ABCC12: variants seen among roughly 807,000 people sequenced by gnomAD.
ABCC12 encodes ATP binding cassette subfamily C member 12, also known as ATP-binding cassette sub-family C member 12.
ABCC12 carries 142 observed loss-of-function variants against 151.1 expected under a neutral mutation model. The observed-to-expected ratio is 0.94, with a 90% confidence interval of 0.82 to 1.08. The LOEUF (loss-of-function observed/expected upper bound fraction) is 1.08. Ranked by LOEUF, ABCC12 falls within the 50% of genes least tolerant of loss-of-function variation. The probability of loss-of-function intolerance (pLI) is 0.00; values close to 1 mark genes in which losing one functional copy is unlikely to be tolerated. For missense variants in ABCC12, 1,638 were observed against 1,691.1 expected, an observed-to-expected ratio of 0.97 and a Z score of 0.55; for synonymous variants, 645 against 646.4, an observed-to-expected ratio of 1.00 and a Z score of 0.03.
chr16:48,104,560 G>A (rs117610992), intron 21 of ABCC12, among the ~76,000 whole-genome samples, 192 bp from the exon 22 acceptor site: 3,092 of 152,292 alleles, frequency 0.02, 65 homozygotes, highest in Non-Finnish European at 0.026. Context: ...GTGAATGTGG[G>A]GATTCAGTCT....
chr16:48,090,389 G>T (rs1398764424), intron 25 of ABCC12, among the ~76,000 whole-genome samples: 2 of 150,720 alleles, frequency 1.3e-5, no homozygotes, highest in African/African-American at 4.9e-5. Flanking sequence ...CACCACACGT[G>T]GCAAATTTGA....
At chr16:48,117,181 C>T in intron 14 of ABCC12, 80 bp downstream of exon 14, 1 of 1,372,712 alleles carries the variant, frequency 7.3e-7, no homozygotes, top group Non-Finnish European at 1.0e-6. Context: ...GGAACAGGGG[C>T]TTGCTGGCCT....
intron 30 of ABCC12, 25 bp downstream of exon 30, chr16:48,083,884 G>C: frequency 6.2e-7 from 1 of 1,612,564 alleles, no homozygotes; most frequent in African/African-American, 1.3e-5. Context: ...TTCTGGGGAG[G>C]TGAAGCCAAA....
At chr16:48,129,669 G>A (rs1227156836) in intron 10 of ABCC12, among the ~76,000 whole-genome samples, 1 of 152,126 alleles carries the variant, frequency 6.6e-6, no homozygotes, top group African/African-American at 2.4e-5. Context: ...TTGGGGTTGA[G>A]TGCTATACGG....
rs1178543972 is a variant in ABCC12 at position 48,111,637 on chromosome 16, G to A, written c.2150C>T (p.Ala717Val). The A allele has an allele frequency of 2.5e-6, 4 of 1,614,078 alleles. No homozygotes were observed. Among genetic ancestry groups the A allele is most frequent in the Non-Finnish European group, 3.4e-6 (4 of 1,180,014 alleles). ...GCTCTCCTTGAAGGCTTCCACCATT[G>A]CTGCATTGTAAAGGTGTTCAGGATC... ...FKDPEHLYNA[A>V]MVEAFKESPA... is the part of the protein sequence containing the mutation. Residue 717 changes from alanine (A) to valine (V), a missense_variant, in exon 17 of 31, where the codon GCA (alanine) becomes GTA (valine). Transcript: ENST00000311303.
intron 2 of ABCC12, 108 bp from the exon 3 acceptor site, chr16:48,146,582 T>C: frequency 1.6e-6 from 1 of 619,858 alleles, no homozygotes; most frequent in South Asian, 2.0e-5. Flanking sequence ...CCCTGAGAAC[T>C]GTTTTCACCA....
intron 24 of ABCC12, among the ~76,000 whole-genome samples, chr16:48,094,502 C>A (rs1165106828): frequency 6.6e-6 from 1 of 152,126 alleles, no homozygotes; most frequent in Non-Finnish European, 1.5e-5. Flanking sequence ...AGGGGGCCCA[C>A]AAAGAGGCTG....
intron 1 of ABCC12, among the ~76,000 whole-genome samples, chr16:48,154,586 T>G (rs2150688752): frequency 6.6e-6 from 1 of 152,328 alleles, no homozygotes; most frequent in South Asian, 2.1e-4. Flanking sequence ...ACTGCTGTCT[T>G]CCTTATAGTG....
intron 10 of ABCC12, among the ~76,000 whole-genome samples, chr16:48,129,346 T>C (rs1200055809): frequency 6.6e-6 from 1 of 152,194 alleles, no homozygotes; most frequent in Non-Finnish European, 1.5e-5. Context: ...TCGAGGTCCA[T>C]GCACTTGGTG....
chr16:48,130,749 T>G, intron 10 of ABCC12, 39 bp downstream of exon 10: 643 of 1,489,060 alleles, frequency 4.3e-4, no homozygotes, highest in Non-Finnish European at 5.5e-4. Flanking sequence ...CACCCCAAAA[T>G]GAGATCTCTC....
chr16:48,129,921 G>A (rs1269526348), intron 10 of ABCC12, among the ~76,000 whole-genome samples: 2 of 152,320 alleles, frequency 1.3e-5, no homozygotes, highest in African/African-American at 2.4e-5. Flanking sequence ...TAACTCAACA[G>A]TGTACCTTCC....
rs1254093780 is a variant in ABCC12 at position 48,138,150 on chromosome 16, C to T, written c.979+78G>A. ...TCAGCCTCCTTCTGGAATGCCTGGC[C>T]CTGGGAACCGTAAGAACCCCTTAGA... On this transcript the variant is annotated intron_variant, in intron 8 of 30. Transcript: ENST00000311303. The T allele has an allele frequency of 3.4e-6, 5 of 1,453,036 alleles. No individual in the cohort carries two copies. In the African/African-American group the frequency reaches 7.0e-5, roughly 20 times the overall value. The allele number at this position is 1,453,036 out of a possible 1,614,324, so 90.0% of individuals were successfully genotyped here.
At position 48,104,334 on chromosome 16, in the gene ABCC12, G is replaced by A; in HGVS notation, c.2708C>T (p.Thr903Ile). 1.2e-6 allele frequency: 2 copies of A among 1,612,588 alleles called. No individual in the cohort carries two copies. The highest frequency in any genetic ancestry group is 1.7e-6 in the Non-Finnish European group (2 of 1,179,994). The change falls in exon 22 of 31, where the codon ACT becomes ATT. Residue 903 changes from threonine to isoleucine, a missense_variant. Physicochemically the swap from Thr to Ile is moderately conservative, Grantham distance 89. Transcript: ENST00000311303. ...LKSPMSFFDT[T>I]PTGRLMNRFS... is the part of the protein sequence containing the mutation. ...ACGGTTCATTAGCCTGCCAGTGGGA[G>A]TCGTGTCAAAGAAACTCATTGGGCT...
rs1005459399 is a variant in ABCC12 at position 48,152,653 on chromosome 16, C to G, written c.-51+963G>C. 2.6e-5 allele frequency among the ~76,000 whole-genome samples: 4 copies of G among 152,318 alleles called. No individual in the cohort carries two copies. In the East Asian group the frequency reaches 5.8e-4, roughly 22 times the overall value. On this transcript the variant is annotated intron_variant, in intron 2 of 30. Coordinates refer to ENST00000311303, the MANE Select transcript of ABCC12 (RefSeq NM_001393797.1). ...AAACCAGCCTCTCAGGGAGAATTTC[C>G]CTCTGGCCCACCAGATCGGGCCTCA...
In ABCC12 at chr16:48,088,614, C is replaced by T; in HGVS notation, c.3406G>A (p.Val1136Ile). 7 of 1,614,188 alleles carry T rather than the reference C, an allele frequency of 4.3e-6. No homozygotes were observed. The highest frequency in any genetic ancestry group is 5.1e-6 in the Non-Finnish European group (6 of 1,180,032). Residue 1136 changes from valine to isoleucine, a missense_variant, in exon 26 of 31, where the codon GTT (valine) becomes ATT (isoleucine). Val to Ile is a conservative substitution (Grantham distance 29). Coordinates refer to ENST00000311303, the MANE Select transcript of ABCC12 (RefSeq NM_001393797.1). ...ATGTTCAAGTTCAGGCTGTCGAGAA[C>T]AAGGGGGGTGTTGTCTCTGTATCTC... The part of the protein sequence containing the change: ...QMRYRDNTPL[V>I]LDSLNLNIQS...
At chr16:48,154,214 C>T (rs961158274) in intron 1 of ABCC12, among the ~76,000 whole-genome samples, 1 of 152,154 alleles carries the variant, frequency 6.6e-6, no homozygotes, top group Admixed American at 6.5e-5. Context: ...CCTAACCTAA[C>T]CTCAACAGAC....
At chr16:48,121,414 T>C (rs1964062207) in intron 13 of ABCC12, 1 of 251,074 alleles carries the variant, frequency 4.0e-6, no homozygotes, top group Non-Finnish European at 7.6e-6. Context: ...GATTCACTTT[T>C]CTCTAGTCAG....
At chr16:48,133,880 G>T (rs539242199) in intron 8 of ABCC12, 45 bp from the exon 9 acceptor site, 3 of 1,607,964 alleles carry the variant, frequency 1.9e-6, no homozygotes, top group South Asian at 2.2e-5. Context: ...TTTGCATGTC[G>T]AACACTAGCA....
In ABCC12 at chr16:48,086,765, C is replaced by T. The variant is rs1813181417; in HGVS notation, c.3690G>A (p.Leu1230=). 6.2e-7 allele frequency: 1 copy of T among 1,613,944 alleles called. No homozygotes were observed. Among genetic ancestry groups the T allele is most frequent in the South Asian group, 1.1e-5 (1 of 91,066 alleles). ...SHTDEMLWQV[L]ERTFMRDTIM... is the part of the protein sequence containing the mutation. ...CTGTGTCTCTCATGAATGTTCTCTC[C>T]AGAACCTGCCAGAGCATCTCATCGG... Residue 1230 remains leucine, a synonymous_variant, in exon 28 of 31, where the codon CTG becomes CTA. Transcript: ENST00000311303.
Sources: gnomAD v4.1 joint callset for allele counts (sites outside exome capture counted in the v4.1 genomes callset) on GRCh38, gnomAD v4.1.1 for gene constraint, MANE v1.5 for transcripts, NCBI Gene and HGNC (gene_info 2026-07-23, HGNC 2026-07-21) for gene names.